ADRA1B: variants seen among roughly 807,000 people sequenced by gnomAD.
ADRA1B encodes the protein alpha-1B adrenergic receptor.
Under a neutral mutation model 17.9 loss-of-function variants are expected in ADRA1B, and 17 were observed. The observed-to-expected ratio is 0.95, with a 90% CI of 0.65 to 1.42. The LOEUF (loss-of-function observed/expected upper bound fraction) is 1.42, where lower values mean the gene tolerates loss of function less well. Among genes scored for constraint, ADRA1B ranks in the 40% most tolerant of loss-of-function variants. ADRA1B has a pLI of 0.00. For synonymous variants in ADRA1B, 366 were observed against 327.6 expected (o/e 1.12, Z -1.27); for missense variants, 681 against 722.1 (o/e 0.94, Z 0.65).
At chr5:159,918,787 TCA>T (rs1166681883) in intron 1 of ADRA1B, among the ~76,000 whole-genome samples, 1 of 152,220 alleles carries the variant, frequency 6.6e-6, no homozygotes, top group Non-Finnish European at 1.5e-5. Flanking sequence ...GGGGCATCTG[TCA>T]CATGCTGTCC....
At chr5:159,866,086 C>T (rs1482936844) in intron 1 of ADRA1B, among the ~76,000 whole-genome samples, 7 of 151,950 alleles carry the variant, frequency 4.6e-5, no homozygotes, top group Non-Finnish European at 1.0e-4. Flanking sequence ...TCTAAAGATA[C>T]GGACAAGATA....
At chr5:159,984,366 C>T in the ADRA1B span, among the ~76,000 whole-genome samples, 1 of 152,148 alleles carries the variant, frequency 6.6e-6, no homozygotes, top group Non-Finnish European at 1.5e-5. Context: ...CAATGTTCCC[C>T]TGATTGCACA....
intron 1 of ADRA1B, among the ~76,000 whole-genome samples, chr5:159,867,314 C>T (rs1474541831): frequency 6.6e-6 from 1 of 152,144 alleles, no homozygotes; most frequent in Non-Finnish European, 1.5e-5. Flanking sequence ...CCCCGTGTCC[C>T]AAGGCATAGT....
chr5:159,973,618 G>A (rs192254302), downstream of ADRA1B, among the ~76,000 whole-genome samples: 1 of 152,230 alleles, frequency 6.6e-6, no homozygotes, highest in Non-Finnish European at 1.5e-5. Flanking sequence ...CAACATACAG[G>A]GTCACAAGAA....
chr5:159,934,764 G>A (rs1030738427), intron 1 of ADRA1B, among the ~76,000 whole-genome samples: 6 of 150,610 alleles, frequency 4.0e-5, no homozygotes, highest in Non-Finnish European at 5.9e-5. Flanking sequence ...TGCAGTAAGC[G>A]CCGAGATTGC....
Position 159,879,762 on chromosome 5 carries a change from G to A in ADRA1B, c.-256+14556G>A, listed in dbSNP as rs180823927. Among the ~76,000 whole-genome samples, 6 of 152,288 alleles carry A rather than the reference G, an allele frequency of 3.9e-5. No individual in the cohort carries two copies. The East Asian group carries it at 9.7e-4, about 25-fold the overall frequency. ...TATAATCCCAGCACTTTGGGAGGCC[G>A]AGGCGGGCGGATCACTTGAGCTCAG... On this transcript the variant is annotated intron_variant, in intron 1 of 2. Transcript: ENST00000641205.
At chr5:159,929,874 A>G (rs1462076973) in intron 1 of ADRA1B, among the ~76,000 whole-genome samples, 1 of 152,168 alleles carries the variant, frequency 6.6e-6, no homozygotes, top group Non-Finnish European at 1.5e-5. Flanking sequence ...TAGTCTATTT[A>G]TTTGTAAGCA....
At chr5:159,878,111 C>T (rs374464494) in intron 1 of ADRA1B, among the ~76,000 whole-genome samples, 11 of 152,182 alleles carry the variant, frequency 7.2e-5, no homozygotes, top group African/African-American at 2.2e-4. Context: ...GACCAAATGC[C>T]GAGGCAGTCT....
chr5:159,876,823 A>T (rs1487904505), intron 1 of ADRA1B, among the ~76,000 whole-genome samples: 1 of 151,910 alleles, frequency 6.6e-6, no homozygotes, highest in Non-Finnish European at 1.5e-5. Context: ...CTTCTTCTGG[A>T]CTCTATGTAT....
chr5:159,979,870 GA>G, the ADRA1B span, among the ~76,000 whole-genome samples: 29 of 144,760 alleles, frequency 2.0e-4, no homozygotes, highest in Middle Eastern at 3.5e-3. Flanking sequence ...TCCGTCAAAA[GA>G]AAAAAAAAAC....
At chr5:159,912,525 T>C (rs1234448134), upstream of ADRA1B, among the ~76,000 whole-genome samples, 1 of 152,254 alleles carries the variant, frequency 6.6e-6, no homozygotes, top group Non-Finnish European at 1.5e-5. Flanking sequence ...TCTGCCTTAC[T>C]AAGGAGCCTG....
intron 1 of ADRA1B, among the ~76,000 whole-genome samples, chr5:159,893,518 A>G (rs13179580): frequency 0.26 from 40,078 of 152,100 alleles, 5,450 homozygotes; most frequent in Middle Eastern, 0.28. Flanking sequence ...GAAGTGGAAA[A>G]CAAGACATAC....
the ADRA1B span, among the ~76,000 whole-genome samples, chr5:159,983,775 C>A: frequency 6.6e-6 from 1 of 152,200 alleles, no homozygotes; most frequent in South Asian, 2.1e-4. Flanking sequence ...TTTTTTCTAG[C>A]ATCACTGATC....
chr5:159,951,973 G>C (rs534100841), intron 1 of ADRA1B, among the ~76,000 whole-genome samples: 1 of 152,250 alleles, frequency 6.6e-6, no homozygotes, highest in East Asian at 1.9e-4. Context: ...ACTTTCACAA[G>C]GCCTGGAGAT....
At chr5:159,950,742 G>C in intron 1 of ADRA1B, 1 of 650,142 alleles carries the variant, frequency 1.5e-6, no homozygotes. Flanking sequence ...CATCATATTT[G>C]GCAGGTTTTT....
chr5:159,950,346 C>T, intron 1 of ADRA1B: 2 of 564,366 alleles, frequency 3.5e-6, no homozygotes, highest in South Asian at 4.5e-5. Flanking sequence ...GCTCCCTAGG[C>T]CCCTCCCTCT....
chr5:159,958,196 T>C (rs1755600978), intron 1 of ADRA1B, among the ~76,000 whole-genome samples: 1 of 152,290 alleles, frequency 6.6e-6, no homozygotes, highest in African/African-American at 2.4e-5. Context: ...TTTTTCTATA[T>C]TTAAGATATT....
the ADRA1B span, among the ~76,000 whole-genome samples, chr5:159,980,747 A>G: frequency 1.3e-5 from 2 of 152,186 alleles, no homozygotes; most frequent in Admixed American, 6.5e-5. Flanking sequence ...CTAATAGCCA[A>G]CAGTATTAGT....
At chr5:159,919,435 C>A (rs1362708377) in intron 1 of ADRA1B, among the ~76,000 whole-genome samples, 1 of 152,190 alleles carries the variant, frequency 6.6e-6, no homozygotes, top group African/African-American at 2.4e-5. Context: ...ATGACCTTGG[C>A]CAAATGACCA....
Sources: gnomAD v4.1 joint callset for allele counts (sites outside exome capture counted in the v4.1 genomes callset) on GRCh38, gnomAD v4.1.1 for gene constraint, MANE v1.5 for transcripts, NCBI Gene and HGNC (gene_info 2026-07-23, HGNC 2026-07-21) for gene names.